Variants in FAM153A observed in about 807,000 individuals in gnomAD.
FAM153A encodes the protein family with sequence similarity 153 member A.
Under a neutral mutation model 48.1 loss-of-function variants are expected in FAM153A, and 12 were observed. That is an observed-to-expected ratio of 0.25 (90% confidence interval 0.16 to 0.40). The LOEUF is 0.40. Ranked by LOEUF, FAM153A falls within the 10% of genes least tolerant of loss-of-function variation. The pLI is 1.00. For synonymous variants in FAM153A, 36 were observed against 118.2 expected (o/e 0.30, Z 4.51); for missense variants, 111 against 345.8 (o/e 0.32, Z 5.38).
chr5:177,710,738 C>T (rs972656696), downstream of FAM153A, among the ~76,000 whole-genome samples: 6 of 144,688 alleles, frequency 4.1e-5, no homozygotes, highest in African/African-American at 1.6e-4. Context: ...ATGGTGAAAC[C>T]TTGTCTCTAT....
chr5:177,766,164 T>TA (rs779831237), intron 1 of FAM153A, among the ~76,000 whole-genome samples: 2,473 of 92,154 alleles, frequency 0.027, 416 homozygotes, highest in Admixed American at 0.055. Context: ...GCCAATAGGA[T>TA]AAAAAAAAAA....
chr5:177,746,400 C>T (rs375391859), intron 4 of FAM153A, among the ~76,000 whole-genome samples: 17,990 of 146,400 alleles, frequency 0.12, 1,407 homozygotes, highest in East Asian at 0.32. Context: ...CTTAGGTAAT[C>T]CACCCTCCTT....
At chr5:177,746,208 G>C (rs934516446) in intron 4 of FAM153A, among the ~76,000 whole-genome samples, 1 of 150,948 alleles carries the variant, frequency 6.6e-6, no homozygotes, top group African/African-American at 2.5e-5. Context: ...TGTGGTGGAC[G>C]ATGAATGGGT....
chr5:177,759,925 C>T (rs1372176386), intron 1 of FAM153A, among the ~76,000 whole-genome samples: 2 of 150,616 alleles, frequency 1.3e-5, no homozygotes, highest in Non-Finnish European at 2.9e-5. Flanking sequence ...GCACGTTGTG[C>T]ACATGTACCC....
chr5:177,715,766 T>C lies in FAM153A; in HGVS notation c.*1222+579A>G, dbSNP rs1759607648. On this transcript the variant is annotated intron_variant and NMD_transcript_variant, in intron 25 of 26. Coordinates refer to the FAM153A transcript ENST00000360669. ...TCATCCAGCCTGGAGTGCAGTGGTA[T>C]GATCATAGCTTTCTACAACCTCTAA... Among the ~76,000 whole-genome samples the C allele has an allele frequency of 2.0e-5, 3 of 151,740 alleles. No individual in the cohort carries two copies. The South Asian group carries it at 6.2e-4, about 31-fold the overall frequency.
rs557125959 is a variant in FAM153A at position 177,738,969 on chromosome 5, A to G, written c.562+144T>C. The G allele has an allele frequency of 2.0e-4, 104 of 530,660 alleles. 1 individual carries two copies. Among genetic ancestry groups the G allele is most frequent in the African/African-American group, 1.7e-3 (80 of 48,184 alleles). 32.9% of individuals were successfully genotyped at this position (530,660 alleles called of 1,614,324 possible). A position where few individuals can be genotyped will look rare whatever the true frequency, so the allele number is the denominator to read the frequency against. On this transcript the variant is annotated intron_variant, in intron 10 of 20. Transcript: ENST00000614127. ...TAGGATGGTCACCACTCGTCAGTAC[A>G]CTCTTAGAAATTTCTTCCCAAACCC...
At chr5:177,712,144 A>G (rs2127554123) in exon 27 of FAM153A, 1 of 152,040 alleles carries the variant, frequency 6.6e-6, no homozygotes, top group Non-Finnish European at 1.5e-5. Flanking sequence ...AGACATCTGA[A>G]CAAAGAAAAT....
Position 177,739,193 on chromosome 5 carries a change from C to T in FAM153A, c.538-56G>A, listed in dbSNP as rs973192330. On this transcript the variant is annotated intron_variant, in intron 9 of 20. Transcript: ENST00000614127. Reference sequence around the variant, plus strand: ...GGTAAGATCATGCTGTCTCTGTGCACAGGTCTTTTCTAAACTTGGTGCTAT... The same window carrying T: ...GGTAAGATCATGCTGTCTCTGTGCATAGGTCTTTTCTAAACTTGGTGCTAT... 7.6e-6 allele frequency: 12 copies of T among 1,570,624 alleles called. 1 individual carries two copies. In the African/African-American group the frequency reaches 1.3e-4, roughly 17 times the overall value.
At chr5:177,713,518 A>G (rs1230830320) in intron 26 of FAM153A, among the ~76,000 whole-genome samples, 1 of 151,384 alleles carries the variant, frequency 6.6e-6, no homozygotes, top group Non-Finnish European at 1.5e-5. Flanking sequence ...CAGCCTCCCA[A>G]AGTGCTGGGA....
At chr5:177,759,957 CA>C (rs1199612020) in intron 1 of FAM153A, among the ~76,000 whole-genome samples, 16 of 145,592 alleles carry the variant, frequency 1.1e-4, no homozygotes, top group African/African-American at 3.5e-4. Context: ...GTATAATAAA[CA>C]AAAAGTAAAA....
At chr5:177,694,835 A>G in the FAM153A span, among the ~76,000 whole-genome samples, 1 of 149,006 alleles carries the variant, frequency 6.7e-6, no homozygotes, top group East Asian at 2.0e-4. Context: ...GCTTTCCCTC[A>G]ATCCCACCAG....
downstream of FAM153A, among the ~76,000 whole-genome samples, chr5:177,709,296 C>A (rs1300017795): frequency 7.7e-6 from 1 of 130,656 alleles, no homozygotes; most frequent in Non-Finnish European, 1.6e-5. Context: ...CTGATATTTA[C>A]AGTAATACTA....
At chr5:177,707,347 C>G, downstream of FAM153A, among the ~76,000 whole-genome samples, 1 of 151,648 alleles carries the variant, frequency 6.6e-6, no homozygotes, top group East Asian at 1.9e-4. Flanking sequence ...CTTCTCAGAC[C>G]AAAGAGAAAC....
downstream of FAM153A, chr5:177,707,000 A>G (rs1157844766): frequency 3.9e-5 from 6 of 152,014 alleles, no homozygotes; most frequent in African/African-American, 1.5e-4. Flanking sequence ...GCAAGAAGGT[A>G]GGACAGTTGT....
intron 14 of FAM153A, 135 bp downstream of exon 16, chr5:177,734,245 A>G (rs1764333029): frequency 2.0e-6 from 1 of 507,416 alleles, no homozygotes; most frequent in Non-Finnish European, 3.2e-6. Flanking sequence ...CATTTCTCCC[A>G]TCACAGTCTA....
exon 27 of FAM153A, chr5:177,711,788 T>C (rs969102865): frequency 2.0e-5 from 3 of 151,820 alleles, no homozygotes; most frequent in Non-Finnish European, 4.4e-5. Flanking sequence ...TATGGCAGAT[T>C]ATATTACTCT....
At chr5:177,757,261 T>A (rs377597831), upstream of FAM153A, among the ~76,000 whole-genome samples, 2 of 103,822 alleles carry the variant, frequency 1.9e-5, no homozygotes, top group African/African-American at 7.6e-5. Flanking sequence ...ACACATACAA[T>A]CTCACAAGAC....
At chr5:177,738,211 GGTGT>G (rs1347589336) in intron 10 of FAM153A, among the ~76,000 whole-genome samples, 1 of 151,266 alleles carries the variant, frequency 6.6e-6, no homozygotes, top group Non-Finnish European at 1.5e-5. Context: ...CTGTGTCTTG[GGTGT>G]GTGTGCTGAA....
exon 27 of FAM153A, chr5:177,713,078 G>C (rs1758754540): frequency 6.6e-6 from 1 of 151,936 alleles, no homozygotes; most frequent in African/African-American, 2.4e-5. Flanking sequence ...GCACAGTCCA[G>C]GTGGCAGAGG....
Sources: gnomAD v4.1 joint callset for allele counts (sites outside exome capture counted in the v4.1 genomes callset) on GRCh38, gnomAD v4.1.1 for gene constraint, MANE v1.5 for transcripts, NCBI Gene and HGNC (gene_info 2026-07-23, HGNC 2026-07-21) for gene names.